VPS54: variants seen among roughly 807,000 people sequenced by gnomAD.
The protein encoded by VPS54 is VPS54 subunit of GARP complex.
VPS54 carries 45 observed loss-of-function variants against 121.5 expected under a neutral mutation model. That is an observed-to-expected ratio of 0.37 (90% CI 0.29 to 0.47). The LOEUF (loss-of-function observed/expected upper bound fraction) is 0.47, where lower values mean the gene tolerates loss of function less well. Ranked by LOEUF, VPS54 falls within the 20% of genes least tolerant of loss-of-function variation. The pLI, the probability that VPS54 is intolerant of heterozygous loss-of-function variation, is 0.99. For synonymous variants in VPS54, 371 were observed against 385.8 expected (o/e 0.96, Z 0.45); for missense variants, 1,090 against 1,131.4 (o/e 0.96, Z 0.52).
chr2:63,991,736 C>T (rs1228413340), intron 1 of VPS54, among the ~76,000 whole-genome samples: 1 of 152,094 alleles, frequency 6.6e-6, no homozygotes, highest in Non-Finnish European at 1.5e-5. Context: ...GGACCAGTCC[C>T]AGGCCCCAAT....
chr2:63,921,367 A>T (rs1157478687), intron 12 of VPS54, 32 bp from the exon 13 acceptor site: 5 of 1,607,886 alleles, frequency 3.1e-6, no homozygotes, highest in South Asian at 1.1e-5. Context: ...TTAGTCAGGG[A>T]AAGTTGTAAA....
chr2:63,912,198 G>GA (rs1475479192), intron 20 of VPS54, 147 bp downstream of exon 20: 35 of 820,164 alleles, frequency 4.3e-5, no homozygotes, highest in Admixed American at 1.2e-4. Context: ...ACATTTTCCT[G>GA]AAAAAAAATT....
intron 15 of VPS54, 134 bp downstream of exon 15, chr2:63,919,749 C>T (rs898827270): frequency 1.4e-5 from 8 of 559,750 alleles, no homozygotes; most frequent in Non-Finnish European, 2.4e-5. Flanking sequence ...GTTTTCCTGT[C>T]AAGTATTTAC....
intron 2 of VPS54, 63 bp from the exon 3 acceptor site, chr2:63,981,950 C>T: frequency 6.6e-7 from 1 of 1,517,018 alleles, no homozygotes; most frequent in East Asian, 2.3e-5. Flanking sequence ...TTTGAAAGTA[C>T]ACACTAGAAA....
At chr2:63,913,586 G>A (rs960143444) in intron 17 of VPS54, among the ~76,000 whole-genome samples, 1 of 152,016 alleles carries the variant, frequency 6.6e-6, no homozygotes, top group Non-Finnish European at 1.5e-5. Flanking sequence ...AACAAATTCG[G>A]TTTCAGTCAT....
In VPS54 at chr2:63,962,180, T is replaced by C. The variant is rs1443976451; in HGVS notation, c.888A>G (p.Val296=). The change falls in exon 7 of 23, where the codon GTA becomes GTG. Residue 296 remains valine (V), a synonymous_variant. Coordinates refer to ENST00000272322, the MANE Select transcript of VPS54 (RefSeq NM_016516.3). ...VYNKLKLMAT[V]HQTQPTVQVL... ...CCTGTACTGTAGGCTGAGTCTGGTG[T>C]ACAGTGGCCATTAACTTCAGCTTAT... The C allele has an allele frequency of 6.2e-7, 1 of 1,613,920 alleles. No individual in the cohort carries two copies. Among genetic ancestry groups the C allele is most frequent in the African/African-American group, 1.3e-5 (1 of 74,932 alleles).
At chr2:63,954,222 CTG>C (rs1405516832) in intron 7 of VPS54, among the ~76,000 whole-genome samples, 1 of 152,060 alleles carries the variant, frequency 6.6e-6, no homozygotes, top group Non-Finnish European at 1.5e-5. Context: ...AGTAAGAAAA[CTG>C]TCAATAACTA....
intron 7 of VPS54, among the ~76,000 whole-genome samples, chr2:63,957,214 G>A (rs546508293): frequency 5.5e-4 from 83 of 152,090 alleles, no homozygotes; most frequent in African/African-American, 1.3e-3. Context: ...AGGCCAAGGC[G>A]GGCGGATCAC....
chr2:63,920,653 G>T, intron 13 of VPS54, 26 bp from the exon 14 acceptor site: 1 of 1,385,926 alleles, frequency 7.2e-7, no homozygotes, highest in South Asian at 1.9e-5. Flanking sequence ...AAAATCATGA[G>T]AGTTAGTGTA....
chr2:63,934,379 G>A (rs544285094), intron 11 of VPS54, among the ~76,000 whole-genome samples: 22 of 152,250 alleles, frequency 1.4e-4, no homozygotes, highest in African/African-American at 5.3e-4. Context: ...AAAGGAATCT[G>A]TGTTACTTAC....
chr2:63,927,612 G>A (rs1218755518), intron 12 of VPS54, among the ~76,000 whole-genome samples: 1 of 152,166 alleles, frequency 6.6e-6, no homozygotes, highest in Admixed American at 6.5e-5. Context: ...CTCCTCCAAA[G>A]GAACACAAAT....
rs1481086180 is a variant in VPS54 at position 63,976,823 on chromosome 2, C to CTTTTTTTTTTTTTTTTTTTTT, written c.379-4580_379-4579insAAAAAAAAAAAAAAAAAAAAA. On this transcript the variant is annotated intron_variant, in intron 3 of 22. Coordinates refer to ENST00000272322, the MANE Select transcript of VPS54 (RefSeq NM_016516.3). ...TTTTGATACTAGTAGCTTATATCTT[C>CTTTTTTTTTTTTTTTTTTTTT]TCTTTTTTTTTTTTTTTTTTTTTGA... 5.9e-5 allele frequency among the ~76,000 whole-genome samples: 4 copies of CTTTTTTTTTTTTTTTTTTTTT among 68,040 alleles called. 2 individuals carry two copies. Among genetic ancestry groups the CTTTTTTTTTTTTTTTTTTTTT allele is most frequent in the Non-Finnish European group, 5.8e-5 (2 of 34,288 alleles). 44.6% of individuals were successfully genotyped at this position (68,040 alleles called of 152,430 possible). A position where few individuals can be genotyped will look rare whatever the true frequency, so the allele number is the denominator to read the frequency against.
At chr2:63,923,567 T>C (rs896855699) in intron 12 of VPS54, among the ~76,000 whole-genome samples, 1 of 152,208 alleles carries the variant, frequency 6.6e-6, no homozygotes, top group Non-Finnish European at 1.5e-5. Flanking sequence ...TATATACATA[T>C]ACATCTTGTA....
At chr2:63,900,558 A>C (rs1272136453) in intron 20 of VPS54, among the ~76,000 whole-genome samples, 2 of 152,146 alleles carry the variant, frequency 1.3e-5, no homozygotes, top group Admixed American at 6.6e-5. Context: ...CCCTTTGGGG[A>C]GATAACTGTC....
intron 1 of VPS54, among the ~76,000 whole-genome samples, chr2:63,988,818 C>T (rs2104635487): frequency 6.6e-6 from 1 of 152,112 alleles, no homozygotes; most frequent in East Asian, 1.9e-4. Context: ...AAAGAACAGG[C>T]AGGATAACAG....
intron 20 of VPS54, among the ~76,000 whole-genome samples, chr2:63,905,588 C>T (rs1345661027): frequency 6.6e-6 from 1 of 151,648 alleles, no homozygotes; most frequent in Non-Finnish European, 1.5e-5. Flanking sequence ...CGGGTAAATT[C>T]TAACCTAAAA....
intron 7 of VPS54, among the ~76,000 whole-genome samples, chr2:63,956,394 A>C (rs1675492171): frequency 6.6e-6 from 1 of 152,178 alleles, no homozygotes; most frequent in Non-Finnish European, 1.5e-5. Flanking sequence ...TTCAAAACAA[A>C]ACAAAAAAAG....
At chr2:63,954,782 A>T (rs982328970) in intron 7 of VPS54, among the ~76,000 whole-genome samples, 1 of 152,106 alleles carries the variant, frequency 6.6e-6, no homozygotes, top group African/African-American at 2.4e-5. Flanking sequence ...ATATAGGTGA[A>T]AAAATAACAT....
rs764407618 is a variant in VPS54, at chr2:63,912,517, A to G, written c.2544+23T>C. 11 of 1,612,176 alleles carry G rather than the reference A, an allele frequency of 6.8e-6. No homozygotes were observed. The East Asian group carries it at 2.0e-4, about 29-fold the overall frequency. On this transcript the variant is annotated intron_variant, in intron 19 of 22. Transcript: ENST00000272322. ...AAGGATCTAAACTTATGAAACGCCA[A>G]TAGAAAATATATGAAAAAGTACCTT...
Sources: gnomAD v4.1 joint callset for allele counts (sites outside exome capture counted in the v4.1 genomes callset) on GRCh38, gnomAD v4.1.1 for gene constraint, MANE v1.5 for transcripts, NCBI Gene and HGNC (gene_info 2026-07-23, HGNC 2026-07-21) for gene names.